Variants in KIF2A observed in about 807,000 individuals in gnomAD.
The protein encoded by KIF2A is kinesin family member 2A.
In KIF2A, 22 loss-of-function variants were observed where a neutral mutation model predicts 100.2. The ratio of observed to expected loss-of-function variants is 0.22; its 90% confidence interval spans 0.16 to 0.31. The LOEUF is 0.31. Ranked by LOEUF, KIF2A falls within the 10% of genes least tolerant of loss-of-function variation. The probability of loss-of-function intolerance (pLI) is 1.00; values close to 1 mark genes in which losing one functional copy is unlikely to be tolerated. For missense variants in KIF2A, 495 were observed against 898.7 expected (o/e 0.55, Z 5.74); for synonymous variants, 268 against 285.9 (o/e 0.94, Z 0.63).
At chr5:62,374,749 G>A (rs1374325157) in intron 18 of KIF2A, among the ~76,000 whole-genome samples, 1 of 152,116 alleles carries the variant, frequency 6.6e-6, no homozygotes, top group Non-Finnish European at 1.5e-5. Flanking sequence ...GGCCAACATG[G>A]TAAAACCTGT....
chr5:62,317,327 C>A (rs1034041512), intron 1 of KIF2A, among the ~76,000 whole-genome samples: 1 of 152,174 alleles, frequency 6.6e-6, no homozygotes, highest in Non-Finnish European at 1.5e-5. Flanking sequence ...GGATTACAGG[C>A]GTGAGCCACA....
At chr5:62,340,902 T>C (rs1490604798) in intron 1 of KIF2A, among the ~76,000 whole-genome samples, 1 of 152,120 alleles carries the variant, frequency 6.6e-6, no homozygotes, top group African/African-American at 2.4e-5. Context: ...ATATTTAAAG[T>C]CATATTGGGT....
At chr5:62,318,165 C>T (rs1451204692) in intron 1 of KIF2A, among the ~76,000 whole-genome samples, 1 of 152,092 alleles carries the variant, frequency 6.6e-6, no homozygotes, top group Admixed American at 6.5e-5. Context: ...TCACTGCAAC[C>T]TCCAACTCCC....
At chr5:62,309,538 C>G (rs1745462231) in intron 1 of KIF2A, among the ~76,000 whole-genome samples, 1 of 152,190 alleles carries the variant, frequency 6.6e-6, no homozygotes, top group African/African-American at 2.4e-5. Flanking sequence ...TTTGCTTCCT[C>G]TCACTTCCAT....
chr5:62,351,671 GATATTT>G (rs1182045179), intron 4 of KIF2A, among the ~76,000 whole-genome samples: 3 of 152,008 alleles, frequency 2.0e-5, no homozygotes, highest in African/African-American at 7.2e-5. Context: ...TTTAAAATTT[GATATTT>G]ATATTTAATT....
chr5:62,350,237 C>G, intron 4 of KIF2A, 117 bp downstream of exon 4: 1 of 632,386 alleles, frequency 1.6e-6, no homozygotes, highest in Admixed American at 3.5e-5. Flanking sequence ...TTTTACCTGG[C>G]TAATTTTAAG....
intron 4 of KIF2A, among the ~76,000 whole-genome samples, chr5:62,352,021 G>A (rs1747878765): frequency 6.6e-6 from 1 of 152,004 alleles, no homozygotes; most frequent in Admixed American, 6.6e-5. Flanking sequence ...AGGTGTAGTG[G>A]CGTGCGCCTG....
chr5:62,327,014 G>T (rs1337977041), intron 1 of KIF2A, among the ~76,000 whole-genome samples: 1 of 152,122 alleles, frequency 6.6e-6, no homozygotes, highest in Non-Finnish European at 1.5e-5. Flanking sequence ...CATTGCTCCT[G>T]TTTTACTTGA....
chr5:62,334,590 A>G (rs917281179), intron 1 of KIF2A, among the ~76,000 whole-genome samples: 5 of 140,854 alleles, frequency 3.5e-5, no homozygotes, highest in African/African-American at 1.1e-4. Flanking sequence ...ATCTGCCCCT[A>G]CCTTACTCAA....
intron 1 of KIF2A, among the ~76,000 whole-genome samples, chr5:62,336,216 C>T (rs1310452248): frequency 3.9e-5 from 6 of 152,170 alleles, no homozygotes; most frequent in Admixed American, 3.3e-4. Context: ...TAGGATGATG[C>T]GGGAGAAAGA....
chr5:62,317,968 C>T (rs1273226962), intron 1 of KIF2A, among the ~76,000 whole-genome samples: 1 of 152,112 alleles, frequency 6.6e-6, no homozygotes, highest in Non-Finnish European at 1.5e-5. Context: ...CAAATGCTAT[C>T]GTAAGGATGT....
intron 4 of KIF2A, among the ~76,000 whole-genome samples, chr5:62,350,683 G>A (rs918642842): frequency 2.0e-5 from 3 of 151,850 alleles, no homozygotes; most frequent in Admixed American, 6.6e-5. Flanking sequence ...AGGCTGAGGC[G>A]GGTGGATCAC....
At chr5:62,372,387 CTG>C in intron 16 of KIF2A, 49 bp from the exon 17 acceptor site, 1 of 929,736 alleles carries the variant, frequency 1.1e-6, no homozygotes, top group South Asian at 1.4e-5. Flanking sequence ...ATGTGCATTG[CTG>C]TCTTTCAAGA....
intron 1 of KIF2A, among the ~76,000 whole-genome samples, chr5:62,338,544 C>T (rs1452773354): frequency 6.6e-6 from 1 of 152,138 alleles, no homozygotes; most frequent in East Asian, 1.9e-4. Flanking sequence ...CCCACCTCAG[C>T]CTCCCACAGT....
At chr5:62,344,093 C>T (rs1483188828) in intron 1 of KIF2A, among the ~76,000 whole-genome samples, 1 of 152,270 alleles carries the variant, frequency 6.6e-6, no homozygotes, top group East Asian at 1.9e-4. Flanking sequence ...CGCCTGTAAT[C>T]CCAGCACTTT....
At chr5:62,317,480 A>T (rs987040705) in intron 1 of KIF2A, among the ~76,000 whole-genome samples, 1 of 152,248 alleles carries the variant, frequency 6.6e-6, no homozygotes, top group African/African-American at 2.4e-5. Context: ...TGTTATAATG[A>T]GGAAGTTGAC....
intron 20 of KIF2A, among the ~76,000 whole-genome samples, chr5:62,384,597 A>C (rs915835533): frequency 6.6e-6 from 1 of 152,188 alleles, no homozygotes; most frequent in Non-Finnish European, 1.5e-5. Flanking sequence ...GCCAAAAATC[A>C]TATCCAGTTG....
chr5:62,365,625 T>C (rs1376362552), intron 15 of KIF2A, among the ~76,000 whole-genome samples: 1 of 152,166 alleles, frequency 6.6e-6, no homozygotes, highest in Non-Finnish European at 1.5e-5. Flanking sequence ...TTTTTGAGTA[T>C]AGGTCACACT....
At chr5:62,368,301 G>T (rs1741172869) in intron 16 of KIF2A, among the ~76,000 whole-genome samples, 2 of 150,228 alleles carry the variant, frequency 1.3e-5, no homozygotes, top group South Asian at 2.1e-4. Context: ...ATTTTACTAT[G>T]AATCTATTTC....
Sources: gnomAD v4.1 joint callset for allele counts (sites outside exome capture counted in the v4.1 genomes callset) on GRCh38, gnomAD v4.1.1 for gene constraint, MANE v1.5 for transcripts, NCBI Gene and HGNC (gene_info 2026-07-23, HGNC 2026-07-21) for gene names.